PAH: variants seen among roughly 807,000 people sequenced by gnomAD.
PAH encodes phenylalanine-4-hydroxylase.
PAH carries 64 observed loss-of-function variants against 62.0 expected under a neutral mutation model. The ratio of observed to expected loss-of-function variants is 1.03; its 90% CI spans 0.84 to 1.27. The LOEUF is 1.27. PAH is among the 50% of genes most tolerant of loss of function. The probability of loss-of-function intolerance (pLI) is 0.00; values close to 1 mark genes in which losing one functional copy is unlikely to be tolerated. For synonymous variants in PAH, 195 were observed against 196.2 expected (o/e 0.99, Z 0.05); for missense variants, 579 against 542.8 (o/e 1.07, Z -0.66).
rs776778122 is a variant in PAH at position 102,846,928 on chromosome 12, A to G, written c.936T>C (p.Gly312=). The G allele has an allele frequency of 1.2e-6, 2 of 1,613,770 alleles. No individual in the cohort carries two copies. Among genetic ancestry groups the G allele is most frequent in the South Asian group, 2.2e-5 (2 of 91,082 alleles). ...GCTTTTCAATGTATTCATCAGGTGCACCCAGAGAGGCAAGGCCAATTTCCT... is the reference window on the plus strand; with the variant it reads ...GCTTTTCAATGTATTCATCAGGTGCGCCCAGAGAGGCAAGGCCAATTTCCT... ...FSQEIGLASL[G]APDEYIEKLA... is the part of the protein sequence containing the mutation. The change falls in exon 9 of 13, where the codon GGT becomes GGC. Residue 312 remains glycine (G), a synonymous_variant. Coordinates refer to ENST00000553106, the MANE Select transcript of PAH (RefSeq NM_000277.3).
intron 5 of PAH, among the ~76,000 whole-genome samples, chr12:102,857,096 T>A (rs562935523): frequency 1.3e-5 from 2 of 152,252 alleles, no homozygotes; most frequent in African/African-American, 4.8e-5. Context: ...ATTAGATGAA[T>A]GGCTAACTAG....
In PAH at chr12:102,872,925, A is replaced by G. The variant is rs929877879; in HGVS notation, c.441+4537T>C. Among the ~76,000 whole-genome samples the G allele has an allele frequency of 5.3e-5, 8 of 152,328 alleles. No individual in the cohort carries two copies. In the South Asian group the frequency reaches 8.3e-4, roughly 16 times the overall value. On this transcript the variant is annotated intron_variant, in intron 4 of 12. Coordinates refer to ENST00000553106, the MANE Select transcript of PAH (RefSeq NM_000277.3). Reference sequence around the variant, plus strand: ...GGAGGTTGCAGTGAGCTGAGATTGCACCATTGTACTCCAGCCTGGGCAGCA... The same window carrying G: ...GGAGGTTGCAGTGAGCTGAGATTGCGCCATTGTACTCCAGCCTGGGCAGCA...
chr12:102,909,526 C>T (rs138696899), intron 2 of PAH, among the ~76,000 whole-genome samples: 1,792 of 152,224 alleles, frequency 0.012, 30 homozygotes, highest in African/African-American at 0.041. Flanking sequence ...CTCCCCCTTC[C>T]ATGTGGTACT....
intron 4 of PAH, among the ~76,000 whole-genome samples, chr12:102,867,169 C>T (rs1456844469): frequency 6.6e-6 from 1 of 152,176 alleles, no homozygotes; most frequent in Non-Finnish European, 1.5e-5. Flanking sequence ...ACATATAATT[C>T]TCACAACAAA....
intron 5 of PAH, among the ~76,000 whole-genome samples, chr12:102,856,078 C>CTAAATAAA (rs71097946): frequency 6.7e-6 from 1 of 149,756 alleles, no homozygotes; most frequent in African/African-American, 2.5e-5. Context: ...AATTAGAAAA[C>CTAAATAAA]TAAATAAATA....
At chr12:102,910,777 T>C (rs1186757639) in intron 2 of PAH, among the ~76,000 whole-genome samples, 1 of 152,176 alleles carries the variant, frequency 6.6e-6, no homozygotes, top group Non-Finnish European at 1.5e-5. Context: ...TGCCCTCTCC[T>C]TACCTTCTCA....
At chr12:102,900,285 G>A (rs1877700169) in intron 2 of PAH, among the ~76,000 whole-genome samples, 1 of 151,962 alleles carries the variant, frequency 6.6e-6, no homozygotes, top group Admixed American at 6.6e-5. Flanking sequence ...TCCTGACTTC[G>A]TGATCCGCCT....
In PAH at chr12:102,936,936, G is replaced by C. The variant is rs569268593; in HGVS notation, c.-96+13653C>G. On this transcript the variant is annotated intron_variant, in intron 1 of 3. Transcript: ENST00000546844. ...TCATAATCCCCACATGTAGTGGGAG[G>C]GACCTGCTGGGAGGTAATTTAATTA... is the stretch of plus-strand genomic sequence containing the variant. Among the ~76,000 whole-genome samples, 2 of 152,120 alleles carry C rather than the reference G, an allele frequency of 1.3e-5. 1 individual carries two copies. The highest frequency in any genetic ancestry group is 4.2e-4 in the South Asian group (2 of 4,818).
rs1875973025 is a variant in PAH, at chr12:102,866,579, A to G, written c.509+17T>C. ...TGTGTTTTTCTCTCTTCCCCTCAAC[A>G]AGCAAGGCAGACTTACTGGCGGTAG... On this transcript the variant is annotated intron_variant, in intron 5 of 12. Coordinates refer to ENST00000553106, the MANE Select transcript of PAH (RefSeq NM_000277.3). 6.2e-7 allele frequency: 1 copy of G among 1,608,064 alleles called. No individual in the cohort carries two copies. Among genetic ancestry groups the G allele is most frequent in the African/African-American group, 1.3e-5 (1 of 74,774 alleles).
chr12:102,921,546 T>G (rs1878552255), upstream of PAH, among the ~76,000 whole-genome samples: 1 of 152,238 alleles, frequency 6.6e-6, no homozygotes, highest in Non-Finnish European at 1.5e-5. Flanking sequence ...GTCCATCCTT[T>G]TAAAAATTTT....
chr12:102,863,322 C>A (rs1343474923), intron 5 of PAH, among the ~76,000 whole-genome samples: 1 of 152,112 alleles, frequency 6.6e-6, no homozygotes, highest in Admixed American at 6.6e-5. Context: ...TGGTAACATC[C>A]TGAGCACCAA....
At chr12:102,899,235 A>G (rs1367185217) in intron 2 of PAH, among the ~76,000 whole-genome samples, 1 of 152,132 alleles carries the variant, frequency 6.6e-6, no homozygotes, top group African/African-American at 2.4e-5. Context: ...CAAATCCAAG[A>G]ACCGAGAATG....
At chr12:102,875,147 C>A (rs947218298) in intron 4 of PAH, among the ~76,000 whole-genome samples, 1 of 152,148 alleles carries the variant, frequency 6.6e-6, no homozygotes, top group Non-Finnish European at 1.5e-5. Flanking sequence ...GAGAGCCTGG[C>A]GCCTCGTCTT....
chr12:102,917,413 T>A (rs1472277313), upstream of PAH: 8 of 463,838 alleles, frequency 1.7e-5, no homozygotes, highest in Non-Finnish European at 2.8e-5. Context: ...GAGGCACCAC[T>A]TCGCTGCCCG....
At chr12:102,958,395 C>CAGG (rs1005328234), upstream of PAH, 41 of 706,346 alleles carry the variant, frequency 5.8e-5, no homozygotes, top group Middle Eastern at 4.6e-4. Flanking sequence ...GCAGAGCGCG[C>CAGG]AGCAGCAGCA....
Position 102,912,772 on chromosome 12 carries a change from A to G in PAH, c.168+19T>C, listed in dbSNP as rs17842947. On this transcript the variant is annotated intron_variant, in intron 2 of 12. Coordinates refer to ENST00000553106, the MANE Select transcript of PAH (RefSeq NM_000277.3). ...TTTGCTACGACATTATCCAAGACAAACATGATTGTAGCACTGACCTCAAAT... is the reference window on the plus strand; with the variant it reads ...TTTGCTACGACATTATCCAAGACAAGCATGATTGTAGCACTGACCTCAAAT... The G allele has an allele frequency of 0.17, 263,465 of 1,509,498 alleles. 26,599 individuals are homozygous for G. Among genetic ancestry groups the G allele is most frequent in the Admixed American group, 0.41 (24,314 of 59,844 alleles). The allele number at this position is 1,509,498 out of a possible 1,614,324, so 93.5% of individuals were successfully genotyped here. A position where few individuals can be genotyped will look rare whatever the true frequency, so the allele number is the denominator to read the frequency against.
At chr12:102,842,233 T>G (rs1336245163) in intron 11 of PAH, among the ~76,000 whole-genome samples, 2 of 152,214 alleles carry the variant, frequency 1.3e-5, no homozygotes, top group East Asian at 3.9e-4. Flanking sequence ...CTCCAATGCC[T>G]GGGTCCAAAC....
chr12:102,885,814 G>C (rs1672717149), intron 3 of PAH, among the ~76,000 whole-genome samples: 1 of 152,194 alleles, frequency 6.6e-6, no homozygotes, highest in Non-Finnish European at 1.5e-5. Context: ...AGCCCCAGGG[G>C]TTAGCCAGCA....
intron 1 of PAH, among the ~76,000 whole-genome samples, chr12:102,929,155 C>A (rs997149059): frequency 6.6e-6 from 1 of 152,164 alleles, no homozygotes; most frequent in African/African-American, 2.4e-5. Context: ...GCCTCCTCAG[C>A]CCTGCAGAAT....
Sources: allele counts gnomAD v4.1 joint callset (sites outside exome capture counted in the v4.1 genomes callset), GRCh38; gene constraint gnomAD v4.1.1; transcripts MANE v1.5; gene names NCBI Gene and HGNC (gene_info 2026-07-23, HGNC 2026-07-21).